Variants in GNAL observed in about 807,000 individuals in gnomAD.
The protein encoded by GNAL is G protein subunit alpha L.
GNAL carries 18 observed loss-of-function variants against 55.1 expected under a neutral mutation model. The ratio of observed to expected loss-of-function variants is 0.33; its 90% CI spans 0.23 to 0.48. The LOEUF (loss-of-function observed/expected upper bound fraction) is 0.48. Among genes scored for constraint, GNAL ranks in the 20% least tolerant of loss-of-function variants. GNAL has a pLI of 0.99. For synonymous variants in GNAL, 253 were observed against 237.0 expected, an observed-to-expected ratio of 1.07 and a Z score of -0.62; for missense variants, 412 against 614.1, an observed-to-expected ratio of 0.67 and a Z score of 3.48.
At chr18:11,771,525 G>A (rs907444873) in intron 4 of GNAL, among the ~76,000 whole-genome samples, 41 of 152,108 alleles carry the variant, frequency 2.7e-4, no homozygotes, top group African/African-American at 9.9e-4. Flanking sequence ...GGCTCACAGA[G>A]CTTAAACCCC....
At chr18:11,753,779 A>C in intron 3 of GNAL, 47 bp from the exon 4 acceptor site, 1 of 1,534,504 alleles carries the variant, frequency 6.5e-7, no homozygotes, top group Non-Finnish European at 9.0e-7. Context: ...ATTATCATAC[A>C]TGGAGCCTAA....
chr18:11,747,172 G>T, intron 1 of GNAL: 1 of 389,844 alleles, frequency 2.6e-6, no homozygotes, highest in Non-Finnish European at 5.1e-6. Flanking sequence ...CTGCATCATC[G>T]ATTTTCTTCC....
intron 5 of GNAL, among the ~76,000 whole-genome samples, chr18:11,832,878 A>T (rs1647561): frequency 0.6 from 91,010 of 151,762 alleles, 30,856 homozygotes; most frequent in Admixed American, 0.76. Flanking sequence ...ATAAATAAAT[A>T]AATAAAAATT....
chr18:11,710,267 G>A lies in GNAL; in HGVS notation c.376+20328G>A, dbSNP rs116315762. ...TTCTTTTCTTGTAGTGCCTTCATCT[G>A]ACTTTGGTATCGGCATACACTGGCT... On this transcript the variant is annotated intron_variant, in intron 1 of 11. Coordinates refer to ENST00000334049, the MANE Select transcript of GNAL (RefSeq NM_182978.4). Among the ~76,000 whole-genome samples, 774 of 152,272 alleles carry A rather than the reference G, an allele frequency of 5.1e-3. 5 individuals are homozygous for A. The highest frequency in any genetic ancestry group is 0.018 in the African/African-American group (734 of 41,566).
At chr18:11,742,849 C>T (rs917795683) in intron 1 of GNAL, among the ~76,000 whole-genome samples, 1 of 152,232 alleles carries the variant, frequency 6.6e-6, no homozygotes, top group Non-Finnish European at 1.5e-5. Flanking sequence ...GGCTCATACC[C>T]ATCCTGGCAC....
chr18:11,758,541 T>C (rs1363381070), intron 4 of GNAL, among the ~76,000 whole-genome samples: 2 of 152,214 alleles, frequency 1.3e-5, no homozygotes, highest in East Asian at 1.9e-4. Flanking sequence ...TGCAGAATAA[T>C]GTGAAATCTT....
At chr18:11,749,651 A>G (rs1199460711) in intron 1 of GNAL, among the ~76,000 whole-genome samples, 1 of 152,210 alleles carries the variant, frequency 6.6e-6, no homozygotes, top group Non-Finnish European at 1.5e-5. Context: ...CAGTTAAACC[A>G]TAACAATGCA....
At chr18:11,796,513 G>T (rs879656623) in intron 4 of GNAL, among the ~76,000 whole-genome samples, 1 of 146,716 alleles carries the variant, frequency 6.8e-6, no homozygotes, top group Non-Finnish European at 1.5e-5. Context: ...GGCGGAGCTT[G>T]CAGTGAGCCA....
chr18:11,864,751 G>A, intron 7 of GNAL, 145 bp downstream of exon 7: 1 of 638,606 alleles, frequency 1.6e-6, no homozygotes, highest in African/African-American at 1.8e-5. Context: ...TTGAACTCTA[G>A]CAAGAGTTGA....
chr18:11,806,730 TC>T (rs1305623205), intron 4 of GNAL, among the ~76,000 whole-genome samples: 2 of 138,954 alleles, frequency 1.4e-5, no homozygotes, highest in Non-Finnish European at 3.0e-5. Flanking sequence ...TGTGAAGTAC[TC>T]TTTTTTTTTT....
intron 5 of GNAL, among the ~76,000 whole-genome samples, chr18:11,838,202 G>A (rs967293442): frequency 6.6e-6 from 1 of 152,310 alleles, no homozygotes; most frequent in South Asian, 2.1e-4. Context: ...GCATCCACAC[G>A]ATAGAATGTT....
intron 1 of GNAL, among the ~76,000 whole-genome samples, chr18:11,700,758 T>G (rs888639538): frequency 3.9e-5 from 6 of 152,260 alleles, no homozygotes; most frequent in Non-Finnish European, 8.8e-5. Flanking sequence ...TGCATCACTG[T>G]GCTTTGGATT....
chr18:11,770,444 C>T (rs1329780207), intron 4 of GNAL, among the ~76,000 whole-genome samples: 3 of 152,188 alleles, frequency 2.0e-5, no homozygotes, highest in African/African-American at 7.2e-5. Context: ...TGCCACCACC[C>T]ATGTGAGAAT....
chr18:11,715,255 C>G (rs1440485219), intron 1 of GNAL, among the ~76,000 whole-genome samples: 2 of 151,434 alleles, frequency 1.3e-5, no homozygotes, highest in Admixed American at 6.6e-5. Flanking sequence ...GTCAGGAGAT[C>G]GAGACCATCC....
rs1450272594 is a variant in GNAL, at chr18:11,856,705, C to A, written c.723-5690C>A. 2.0e-5 allele frequency among the ~76,000 whole-genome samples: 3 copies of A among 152,084 alleles called. No homozygotes were observed. In the East Asian group the frequency reaches 5.8e-4, roughly 29 times the overall value. Reference sequence around the variant, plus strand: ...CTTTGGGAGGCCGAGGTGGGCAGATCACCTGAGGTCAGGAGTTCGAGACCA... The same window carrying A: ...CTTTGGGAGGCCGAGGTGGGCAGATAACCTGAGGTCAGGAGTTCGAGACCA... On this transcript the variant is annotated intron_variant, in intron 5 of 11. Transcript: ENST00000334049.
In GNAL at chr18:11,690,076, G is replaced by A. The variant is rs879220144; in HGVS notation, c.376+137G>A. 1.2e-5 allele frequency: 5 copies of A among 432,388 alleles called. No individual in the cohort carries two copies. The East Asian group carries it at 2.1e-4, about 18-fold the overall frequency. The allele number at this position is 432,388 out of a possible 1,614,324, so 26.8% of individuals were successfully genotyped here. On this transcript the variant is annotated intron_variant, in intron 1 of 11. Transcript: ENST00000334049. ...GCTCCTGAATCCCGGGACTGGACCC[G>A]GACGGGCGGCGGGCGCGGACGGGCT...
chr18:11,773,401 TC>T (rs574603699), intron 4 of GNAL, among the ~76,000 whole-genome samples: 1 of 152,154 alleles, frequency 6.6e-6, no homozygotes, highest in African/African-American at 2.4e-5. Flanking sequence ...TCTGAAATGG[TC>T]CCCACGGTAG....
chr18:11,856,404 C>T (rs2036008942), intron 5 of GNAL, among the ~76,000 whole-genome samples: 1 of 151,332 alleles, frequency 6.6e-6, no homozygotes, highest in Non-Finnish European at 1.5e-5. Flanking sequence ...TGTGCCTGGC[C>T]TGGGTGGTCA....
In GNAL at chr18:11,883,249, C is replaced by T. The variant is rs995449938; in HGVS notation, c.*2114C>T. 2.0e-5 allele frequency: 3 copies of T among 152,132 alleles called. No homozygotes were observed. The highest frequency in any genetic ancestry group is 7.2e-5 in the African/African-American group (3 of 41,416). 9.4% of individuals were successfully genotyped at this position (152,132 alleles called of 1,614,324 possible). Reference sequence around the variant, plus strand: ...TCCCCATCCACTGTCTCATAAAGCCCTCAGCTGAACTAAGATAAATAATAC... The same window carrying T: ...TCCCCATCCACTGTCTCATAAAGCCTTCAGCTGAACTAAGATAAATAATAC... On this transcript the variant is annotated 3_prime_UTR_variant, in exon 12 of 12. Transcript: ENST00000334049.
Sources: allele counts gnomAD v4.1 joint callset (sites outside exome capture counted in the v4.1 genomes callset), GRCh38; gene constraint gnomAD v4.1.1; transcripts MANE v1.5; gene names NCBI Gene and HGNC (gene_info 2026-07-23, HGNC 2026-07-21).